INTS12: variants seen among roughly 807,000 people sequenced by gnomAD.
The protein encoded by INTS12 is PHD finger protein 22.
In INTS12, 13 loss-of-function variants were observed where a neutral mutation model predicts 41.6. The observed-to-expected ratio is 0.31, with a 90% CI of 0.20 to 0.50. The LOEUF is 0.50. Ranked by LOEUF, INTS12 falls within the 20% of genes least tolerant of loss-of-function variation. INTS12 has a pLI of 0.98. For missense variants in INTS12, 432 were observed against 541.6 expected, an observed-to-expected ratio of 0.80 and a Z score of 2.01; for synonymous variants, 199 against 191.4, an observed-to-expected ratio of 1.04 and a Z score of -0.33.
Position 105,693,311 on chromosome 4 carries a change from C to T in INTS12, c.485G>A (p.Cys162Tyr), listed in dbSNP as rs1352937026. Residue 162 changes from cysteine to tyrosine, a missense_variant, in exon 5 of 8, where the codon TGC (cysteine) becomes TAC (tyrosine). Coordinates refer to ENST00000340139, the MANE Select transcript of INTS12 (RefSeq NM_020395.4). Reference sequence around the variant, plus strand: ...AGGTACAACTTACCTACAAACAACGCAGGCCAATCCCATCTCCATGGCAAA... The same window carrying T: ...AGGTACAACTTACCTACAAACAACGTAGGCCAATCCCATCTCCATGGCAAA... ...DDFAMEMGLA[C>Y]VVCRQMMVAS... 1.9e-6 allele frequency: 3 copies of T among 1,599,508 alleles called. No individual in the cohort carries two copies. Among genetic ancestry groups the T allele is most frequent in the East Asian group, 2.2e-5 (1 of 44,742 alleles).
chr4:105,701,367 C>T (rs1732066897), intron 2 of INTS12, among the ~76,000 whole-genome samples: 1 of 151,666 alleles, frequency 6.6e-6, no homozygotes, highest in Non-Finnish European at 1.5e-5. Context: ...AAGGCCAGTA[C>T]TATAATGAAA....
chr4:105,698,220 T>A (rs4434257), intron 3 of INTS12, among the ~76,000 whole-genome samples: 7,191 of 152,314 alleles, frequency 0.047, 518 homozygotes, highest in African/African-American at 0.15. Flanking sequence ...CTCATTAATG[T>A]AAATGAATAT....
intron 7 of INTS12, among the ~76,000 whole-genome samples, chr4:105,684,724 G>T (rs1012937739): frequency 2.6e-5 from 4 of 151,966 alleles, no homozygotes; most frequent in Admixed American, 6.6e-5. Flanking sequence ...AGCAATGAGA[G>T]AAAAAGTTAG....
intron 6 of INTS12, 106 bp downstream of exon 6, chr4:105,691,867 ATAT>A: frequency 1.3e-6 from 1 of 756,766 alleles, no homozygotes; most frequent in Non-Finnish European, 2.0e-6. Context: ...TAATCAGCTT[ATAT>A]TATTTATTTT....
At chr4:105,704,589 C>A (rs1259073640) in intron 1 of INTS12, among the ~76,000 whole-genome samples, 1 of 152,206 alleles carries the variant, frequency 6.6e-6, no homozygotes, top group African/African-American at 2.4e-5. Flanking sequence ...ATTACTAATA[C>A]ATCTCTGCAG....
At chr4:105,695,880 A>G (rs1348573321) in intron 3 of INTS12, among the ~76,000 whole-genome samples, 1 of 152,020 alleles carries the variant, frequency 6.6e-6, no homozygotes, top group Non-Finnish European at 1.5e-5. Context: ...ACAGAGTCTC[A>G]CTCTGTTGCC....
chr4:105,696,644 A>G (rs186171855), intron 3 of INTS12, among the ~76,000 whole-genome samples: 12 of 152,324 alleles, frequency 7.9e-5, no homozygotes, highest in Admixed American at 3.3e-4. Flanking sequence ...GTTTGGGACT[A>G]TTACAAATAA....
At chr4:105,695,865 T>C (rs1229129242) in intron 3 of INTS12, among the ~76,000 whole-genome samples, 197 bp from the exon 4 acceptor site, 2 of 152,160 alleles carry the variant, frequency 1.3e-5, no homozygotes, top group African/African-American at 2.4e-5. Flanking sequence ...TTTTTATTTT[T>C]TGGGACAGAG....
intron 6 of INTS12, among the ~76,000 whole-genome samples, chr4:105,689,334 C>A (rs1024018582): frequency 6.6e-6 from 1 of 152,140 alleles, no homozygotes; most frequent in Non-Finnish European, 1.5e-5. Flanking sequence ...TTTGAGATAC[C>A]TTGGAACAAT....
In INTS12 at chr4:105,702,166, C is replaced by T. The variant is rs1346670038; in HGVS notation, c.-10+1482G>A. On this transcript the variant is annotated intron_variant, in intron 2 of 7. Transcript: ENST00000340139. ...TTTTTTTTTTTTTGAGACAGAGTCT[C>T]GCTCTGTCGCCCAGGCTGGAGTGCA... 6.2e-5 allele frequency among the ~76,000 whole-genome samples: 8 copies of T among 129,354 alleles called. No homozygotes were observed. The East Asian group carries it at 6.6e-4, about 11-fold the overall frequency. The allele number at this position is 129,354 out of a possible 152,430, so 84.9% of individuals were successfully genotyped here. A position where few individuals can be genotyped will look rare whatever the true frequency, so the allele number is the denominator to read the frequency against.
intron 2 of INTS12, among the ~76,000 whole-genome samples, chr4:105,702,130 C>CTTTTTTTTTTTTTTTTTT (rs950826694): frequency 2.7e-5 from 3 of 109,508 alleles, no homozygotes; most frequent in African/African-American, 7.5e-5. Context: ...ATTTCTATTT[C>CTTTTTTTTTTTTTTTTTT]TTTTTTTTTT....
chr4:105,690,082 A>T (rs1376216230), intron 6 of INTS12, among the ~76,000 whole-genome samples: 2 of 152,208 alleles, frequency 1.3e-5, no homozygotes, highest in African/African-American at 4.8e-5. Context: ...CCAGATGAAG[A>T]GAAGAAGCTG....
At chr4:105,687,072 A>G (rs997165168) in intron 6 of INTS12, 3 of 498,304 alleles carry the variant, frequency 6.0e-6, no homozygotes, top group Non-Finnish European at 1.1e-5. Context: ...AATAATACAG[A>G]AGAGGGTTAG....
At chr4:105,700,561 C>CTCTTCA (rs1056767860) in intron 2 of INTS12, among the ~76,000 whole-genome samples, 1 of 150,466 alleles carries the variant, frequency 6.6e-6, no homozygotes, top group Non-Finnish European at 1.5e-5. Flanking sequence ...CTAAACTCAC[C>CTCTTCA]TCTTCAGTTC....
chr4:105,697,569 C>CA (rs1316630087), intron 3 of INTS12, among the ~76,000 whole-genome samples: 9 of 152,092 alleles, frequency 5.9e-5, no homozygotes, highest in Middle Eastern at 3.2e-3. Flanking sequence ...AACACAGCCA[C>CA]ACCCATTCAT....
intron 7 of INTS12, among the ~76,000 whole-genome samples, chr4:105,684,564 T>C (rs1560772552): frequency 1.3e-5 from 2 of 152,080 alleles, no homozygotes; most frequent in East Asian, 3.9e-4. Context: ...TTCTGAGATA[T>C]TCGATTTATA....
At chr4:105,706,914 C>T (rs1732287302) in intron 1 of INTS12, among the ~76,000 whole-genome samples, 1 of 152,020 alleles carries the variant, frequency 6.6e-6, no homozygotes, top group South Asian at 2.1e-4. Flanking sequence ...AACATTGTTG[C>T]CATATGAATT....
chr4:105,699,761 A>G (rs1373348524), intron 3 of INTS12, 89 bp downstream of exon 3: 1 of 893,360 alleles, frequency 1.1e-6, no homozygotes, highest in Non-Finnish European at 1.6e-6. Context: ...TTATTTCGGC[A>G]GAGATTGTTT....
rs3213950 is a variant in INTS12, at chr4:105,700,012, C to T, written c.-7G>A. 1,854 of 1,464,892 alleles carry T rather than the reference C, an allele frequency of 1.3e-3. 40 individuals are homozygous for T. In the East Asian group the frequency reaches 0.037, roughly 30 times the overall value. The allele number at this position is 1,464,892 out of a possible 1,614,324, so 90.7% of individuals were successfully genotyped here. A position where few individuals can be genotyped will look rare whatever the true frequency, so the allele number is the denominator to read the frequency against. ...AGTTCACAGTAGCAGCCATTGCAAA[C>T]GCCTGAAGGAAAAAAAGAGAAAGTA... On this transcript the variant is annotated splice_region_variant and 5_prime_UTR_variant, in exon 3 of 8. Coordinates refer to ENST00000340139, the MANE Select transcript of INTS12 (RefSeq NM_020395.4).
Sources: allele counts gnomAD v4.1 joint callset (sites outside exome capture counted in the v4.1 genomes callset), GRCh38; gene constraint gnomAD v4.1.1; transcripts MANE v1.5; gene names NCBI Gene and HGNC (gene_info 2026-07-23, HGNC 2026-07-21).